Variants in DAB1 observed in about 807,000 individuals in gnomAD.
DAB1 encodes disabled homolog 1.
DAB1 carries 15 observed loss-of-function variants against 64.6 expected under a neutral mutation model. That is an observed-to-expected ratio of 0.23 (90% CI 0.16 to 0.36). The LOEUF (loss-of-function observed/expected upper bound fraction) is 0.36. DAB1 is among the 10% of genes least tolerant of loss of function. DAB1 has a pLI of 1.00. For missense variants in DAB1, 596 were observed against 706.7 expected (o/e 0.84, Z 1.78); for synonymous variants, 235 against 251.9 (o/e 0.93, Z 0.64).
intron 6 of DAB1, among the ~76,000 whole-genome samples, chr1:57,692,924 C>T (rs1431449960): frequency 6.6e-6 from 1 of 152,234 alleles, no homozygotes; most frequent in Non-Finnish European, 1.5e-5. Context: ...AACTCTTGTA[C>T]CAACCTCTGG....
chr1:58,492,890 G>A (rs1178433487), intron 3 of DAB1, among the ~76,000 whole-genome samples: 1 of 152,174 alleles, frequency 6.6e-6, no homozygotes, highest in South Asian at 2.1e-4. Context: ...AACAGAAAAA[G>A]AGAGAATCCT....
At chr1:57,950,237 A>G (rs1297142566) in intron 5 of DAB1, among the ~76,000 whole-genome samples, 2 of 152,178 alleles carry the variant, frequency 1.3e-5, no homozygotes, top group South Asian at 2.1e-4. Flanking sequence ...AAATATTGAT[A>G]ATAATAATAT....
At chr1:57,566,067 C>G (rs952185116) in intron 7 of DAB1, among the ~76,000 whole-genome samples, 5 of 152,196 alleles carry the variant, frequency 3.3e-5, no homozygotes, top group African/African-American at 1.2e-4. Flanking sequence ...GAAATTGTAA[C>G]AAATTGTCTC....
intron 5 of DAB1, among the ~76,000 whole-genome samples, chr1:58,043,409 C>T (rs1214892834): frequency 6.6e-6 from 1 of 152,124 alleles, no homozygotes; most frequent in Non-Finnish European, 1.5e-5. Context: ...AAAGAGTTGG[C>T]AGAAACTTCA....
chr1:58,170,425 C>T (rs1349478471), intron 4 of DAB1, among the ~76,000 whole-genome samples: 1 of 152,154 alleles, frequency 6.6e-6, no homozygotes, highest in Non-Finnish European at 1.5e-5. Context: ...GTTTATTACC[C>T]AATCAGCCGC....
At chr1:58,099,190 G>A (rs1417739129) in intron 5 of DAB1, among the ~76,000 whole-genome samples, 3 of 152,088 alleles carry the variant, frequency 2.0e-5, no homozygotes, top group Non-Finnish European at 4.4e-5. Flanking sequence ...CCCTGGTCAC[G>A]AACCCCAGTC....
At chr1:58,065,669 C>T (rs1407650995) in intron 5 of DAB1, among the ~76,000 whole-genome samples, 1 of 152,108 alleles carries the variant, frequency 6.6e-6, no homozygotes, top group African/African-American at 2.4e-5. Flanking sequence ...CTGAAGCAGA[C>T]ACCAAGACAG....
chr1:58,109,653 A>C (rs1651862478), intron 5 of DAB1, among the ~76,000 whole-genome samples: 1 of 152,026 alleles, frequency 6.6e-6, no homozygotes, highest in Admixed American at 6.6e-5. Context: ...CACGTGGGCC[A>C]AGGGCGTAAG....
At chr1:58,186,041 G>A (rs1423202307) in intron 4 of DAB1, among the ~76,000 whole-genome samples, 1 of 152,196 alleles carries the variant, frequency 6.6e-6, no homozygotes, top group Non-Finnish European at 1.5e-5. Flanking sequence ...ACAGTCATGT[G>A]ACATAATTCT....
chr1:57,708,350 T>C (rs956263636), intron 6 of DAB1, among the ~76,000 whole-genome samples: 8 of 152,134 alleles, frequency 5.3e-5, no homozygotes, highest in African/African-American at 1.9e-4. Context: ...AAGACGTCGT[T>C]CTCTGTACTC....
chr1:58,212,512 C>T (rs2100296198), intron 4 of DAB1, among the ~76,000 whole-genome samples: 1 of 152,288 alleles, frequency 6.6e-6, no homozygotes, highest in Admixed American at 6.5e-5. Context: ...TCCAGGCCAT[C>T]TGGTTGGTTT....
At chr1:57,761,979 A>C (rs1023015670) in intron 6 of DAB1, among the ~76,000 whole-genome samples, 15 of 152,292 alleles carry the variant, frequency 9.8e-5, no homozygotes, top group African/African-American at 3.1e-4. Context: ...CCCACAGAAC[A>C]CTGGCTCAAA....
intron 1 of DAB1, among the ~76,000 whole-genome samples, chr1:57,300,919 C>T (rs1673591973): frequency 1.3e-5 from 2 of 151,954 alleles, no homozygotes; most frequent in South Asian, 4.1e-4. Context: ...GGGGCCACCA[C>T]AGTGGGATAA....
In DAB1 at chr1:57,289,735, A is replaced by G. The variant is rs1471509318; in HGVS notation, c.67+1229T>C. 2.0e-5 allele frequency among the ~76,000 whole-genome samples: 3 copies of G among 147,806 alleles called. No homozygotes were observed. In the East Asian group the frequency reaches 5.8e-4, roughly 28 times the overall value. Reference sequence around the variant, plus strand: ...CTGCCTATACAAAGAAGTCAAGGGCATCCCAGTTTGCAAGCCCACATTGAC... The same window carrying G: ...CTGCCTATACAAAGAAGTCAAGGGCGTCCCAGTTTGCAAGCCCACATTGAC... On this transcript the variant is annotated intron_variant, in intron 2 of 14. Coordinates refer to ENST00000371236, the MANE Select transcript of DAB1 (RefSeq NM_001365792.1).
chr1:58,458,750 A>T (rs1399329595), intron 3 of DAB1, among the ~76,000 whole-genome samples: 25 of 152,008 alleles, frequency 1.6e-4, no homozygotes, highest in Admixed American at 1.6e-3. Context: ...GTTGCAGTGA[A>T]CTGAGATTGA....
intron 7 of DAB1, among the ~76,000 whole-genome samples, chr1:57,481,332 C>A (rs948330593): frequency 2.0e-5 from 3 of 152,152 alleles, no homozygotes; most frequent in Non-Finnish European, 4.4e-5. Flanking sequence ...CTCTGTCTCT[C>A]CCTGCCACCC....
chr1:58,342,299 G>A (rs1463561481), intron 4 of DAB1, among the ~76,000 whole-genome samples: 1 of 152,132 alleles, frequency 6.6e-6, no homozygotes, highest in Non-Finnish European at 1.5e-5. Flanking sequence ...ACTTTGGAGG[G>A]AGATGAACTT....
intron 2 of DAB1, among the ~76,000 whole-genome samples, chr1:57,179,152 G>A (rs7539971): frequency 0.038 from 5,734 of 152,164 alleles, 348 homozygotes; most frequent in African/African-American, 0.13. Flanking sequence ...GCAGCAAATG[G>A]GCACATGGGG....
At chr1:58,486,447 G>C (rs1194710981) in intron 3 of DAB1, among the ~76,000 whole-genome samples, 1 of 152,070 alleles carries the variant, frequency 6.6e-6, no homozygotes, top group Non-Finnish European at 1.5e-5. Context: ...TTTCTATAAG[G>C]GAGTGGAAGG....
Sources: allele counts gnomAD v4.1 joint callset (sites outside exome capture counted in the v4.1 genomes callset), GRCh38; gene constraint gnomAD v4.1.1; transcripts MANE v1.5; gene names NCBI Gene and HGNC (gene_info 2026-07-23, HGNC 2026-07-21).